BCR: variants seen among roughly 807,000 people sequenced by gnomAD.
BCR encodes the protein BCR activator of RhoGEF and GTPase.
BCR carries 58 observed loss-of-function variants against 138.6 expected under a neutral mutation model. That is an observed-to-expected ratio of 0.42 (90% CI 0.34 to 0.52). The LOEUF (loss-of-function observed/expected upper bound fraction) is 0.52. Among genes scored for constraint, BCR ranks in the 20% least tolerant of loss-of-function variants. The probability of loss-of-function intolerance (pLI) is 0.06; values close to 1 mark genes in which losing one functional copy is unlikely to be tolerated. For synonymous variants in BCR, 786 were observed against 730.1 expected, an observed-to-expected ratio of 1.08 and a Z score of -1.23; for missense variants, 1,599 against 1,727.2, an observed-to-expected ratio of 0.93 and a Z score of 1.32.
intron 16 of BCR, among the ~76,000 whole-genome samples, chr22:23,300,443 G>A (rs538014174): frequency 1.3e-5 from 2 of 152,376 alleles, no homozygotes; most frequent in Admixed American, 1.3e-4. Context: ...ACATTCACCA[G>A]CAGGTGGACG....
chr22:23,238,611 T>C (rs1318201352), intron 1 of BCR, among the ~76,000 whole-genome samples: 1 of 152,110 alleles, frequency 6.6e-6, no homozygotes, highest in Non-Finnish European at 1.5e-5. Flanking sequence ...GCCTGGGGAT[T>C]CGAGGCAGCA....
chr22:23,233,795 AAAAAAAAAG>A (rs1314952981), intron 1 of BCR, among the ~76,000 whole-genome samples: 6 of 109,332 alleles, frequency 5.5e-5, no homozygotes, highest in South Asian at 3.2e-4. Context: ...GTCTCAAAAA[AAAAAAAAAG>A]AAAAAAAAGA....
chr22:23,241,507 A>G (rs544202055), intron 1 of BCR, among the ~76,000 whole-genome samples: 1 of 152,162 alleles, frequency 6.6e-6, no homozygotes, highest in South Asian at 2.1e-4. Context: ...ACACCAGGGC[A>G]CTGTTCCCAC....
intron 1 of BCR, among the ~76,000 whole-genome samples, chr22:23,185,941 G>T (rs796273114): frequency 5.9e-5 from 9 of 152,132 alleles, no homozygotes; most frequent in South Asian, 2.1e-4. Context: ...GTGTTAGCCA[G>T]TATGGCCTCG....
intron 6 of BCR, 62 bp downstream of exon 6, chr22:23,271,654 G>T (rs998679760): frequency 1.3e-6 from 2 of 1,547,936 alleles, no homozygotes; most frequent in Middle Eastern, 1.7e-4. Context: ...CTGGCAGAGG[G>T]GGCGTTGTGG....
At chr22:23,276,376 G>A (rs1602094140) in intron 8 of BCR, among the ~76,000 whole-genome samples, 1 of 150,426 alleles carries the variant, frequency 6.6e-6, no homozygotes, top group South Asian at 2.1e-4. Context: ...TCCAGTCTGG[G>A]CAACAGAGCG....
At chr22:23,200,250 A>G (rs1021632338) in intron 1 of BCR, among the ~76,000 whole-genome samples, 3 of 152,186 alleles carry the variant, frequency 2.0e-5, no homozygotes, top group Non-Finnish European at 2.9e-5. Flanking sequence ...CCGGTGGCTT[A>G]GGTCTGGTGG....
chr22:23,286,816 G>A (rs1021176689), intron 10 of BCR, among the ~76,000 whole-genome samples: 18 of 152,178 alleles, frequency 1.2e-4, no homozygotes, highest in African/African-American at 4.1e-4. Context: ...GTAGGTCACA[G>A]CAGCCTCCTA....
At chr22:23,276,912 T>C (rs1213781834) in intron 8 of BCR, among the ~76,000 whole-genome samples, 2 of 152,234 alleles carry the variant, frequency 1.3e-5, no homozygotes, top group East Asian at 3.8e-4. Context: ...CTGAGGGCAA[T>C]GATGCAGGGT....
chr22:23,260,074 A>G (rs752467484), intron 2 of BCR, among the ~76,000 whole-genome samples: 1 of 152,218 alleles, frequency 6.6e-6, no homozygotes, highest in African/African-American at 2.4e-5. Flanking sequence ...GTAACGTTCT[A>G]AGGTACTGGG....
chr22:23,182,300 G>A, intron 1 of BCR, 61 bp downstream of exon 1: 3 of 1,453,916 alleles, frequency 2.1e-6, no homozygotes, highest in East Asian at 2.5e-5. Context: ...CCATAGACGA[G>A]TAGGGGATAC....
intron 10 of BCR, among the ~76,000 whole-genome samples, chr22:23,286,592 G>C (rs1208749659): frequency 6.6e-6 from 1 of 152,192 alleles, no homozygotes; most frequent in Non-Finnish European, 1.5e-5. Flanking sequence ...TTGGGGGATG[G>C]GATGGGGTGG....
chr22:23,278,200 C>A (rs771167564), intron 8 of BCR, among the ~76,000 whole-genome samples: 1 of 152,216 alleles, frequency 6.6e-6, no homozygotes, highest in African/African-American at 2.4e-5. Flanking sequence ...GCATAGCGGA[C>A]GATCCAGTTT....
At position 23,300,602 on chromosome 22, in the gene BCR, G is replaced by T. The variant is rs539841886; in HGVS notation, c.3012+5447G>T. Among the ~76,000 whole-genome samples, 21 of 152,300 alleles carry T rather than the reference G, an allele frequency of 1.4e-4. 2 individuals carry two copies. The highest frequency in any genetic ancestry group is 5.1e-4 in the African/African-American group (21 of 41,554). ...CGGGGGGAACAGCTGCTGCAGAGTG[G>T]GCAGTCCAACAGGGAGACCGCCCGA... On this transcript the variant is annotated intron_variant, in intron 16 of 22. Coordinates refer to ENST00000305877, the MANE Select transcript of BCR (RefSeq NM_004327.4).
intron 1 of BCR, among the ~76,000 whole-genome samples, chr22:23,194,725 A>G (rs1337974400): frequency 6.6e-6 from 1 of 151,818 alleles, no homozygotes; most frequent in East Asian, 2.0e-4. Flanking sequence ...TGGATCTCTT[A>G]TTCCCAGGAA....
At chr22:23,217,902 T>C (rs902336345) in intron 1 of BCR, among the ~76,000 whole-genome samples, 1 of 152,188 alleles carries the variant, frequency 6.6e-6, no homozygotes, top group African/African-American at 2.4e-5. Context: ...GGAAAGGCCT[T>C]GACGTCCAGA....
chr22:23,198,816 T>C lies in BCR; in HGVS notation c.1279+16577T>C, dbSNP rs113359675. Among the ~76,000 whole-genome samples the C allele has an allele frequency of 4.8e-3, 727 of 152,258 alleles. 7 individuals are homozygous for C. Among genetic ancestry groups the C allele is most frequent in the African/African-American group, 0.016 (684 of 41,558 alleles). On this transcript the variant is annotated intron_variant, in intron 1 of 22. Coordinates refer to ENST00000305877, the MANE Select transcript of BCR (RefSeq NM_004327.4). Reference sequence around the variant, plus strand: ...TTCCCTGGAGCAGCTGGTGAGGTACTGTTAGAATTTGGCCCTAACAGGACT... The same window carrying C: ...TTCCCTGGAGCAGCTGGTGAGGTACCGTTAGAATTTGGCCCTAACAGGACT...
intron 1 of BCR, among the ~76,000 whole-genome samples, chr22:23,221,098 A>G (rs1342756796): frequency 6.6e-6 from 1 of 152,200 alleles, no homozygotes; most frequent in Admixed American, 6.5e-5. Context: ...CTTCCTTGAC[A>G]ACAAACTAGA....
At chr22:23,276,426 C>T (rs925766550) in intron 8 of BCR, among the ~76,000 whole-genome samples, 1 of 148,658 alleles carries the variant, frequency 6.7e-6, no homozygotes, top group Non-Finnish European at 1.5e-5. Context: ...AAAAAAAGGG[C>T]TGGTTGCTTC....
Sources: allele counts gnomAD v4.1 joint callset (sites outside exome capture counted in the v4.1 genomes callset), GRCh38; gene constraint gnomAD v4.1.1; transcripts MANE v1.5; gene names NCBI Gene and HGNC (gene_info 2026-07-23, HGNC 2026-07-21).